CHCHD3: variants seen among roughly 807,000 people sequenced by gnomAD.
CHCHD3 encodes the protein coiled-coil-helix-coiled-coil-helix domain containing 3.
CHCHD3 carries 20 observed loss-of-function variants against 38.2 expected under a neutral mutation model. The ratio of observed to expected loss-of-function variants is 0.52; its 90% CI spans 0.37 to 0.76. The LOEUF is 0.76. Ranked by LOEUF, CHCHD3 falls within the 30% of genes least tolerant of loss-of-function variation. The pLI is 0.00. For synonymous variants in CHCHD3, 82 were observed against 100.0 expected (o/e 0.82, Z 1.07); for missense variants, 245 against 279.2 (o/e 0.88, Z 0.87).
intron 7 of CHCHD3, among the ~76,000 whole-genome samples, chr7:132,792,358 G>A (rs1196365891): frequency 6.6e-6 from 1 of 152,174 alleles, no homozygotes; most frequent in African/African-American, 2.4e-5. Context: ...ACTGACTTTG[G>A]AGAAACTGTG....
intron 4 of CHCHD3, among the ~76,000 whole-genome samples, chr7:132,964,964 T>C (rs905311393): frequency 1.3e-4 from 20 of 152,180 alleles, no homozygotes; most frequent in African/African-American, 4.8e-4. Context: ...TGATTGTGCA[T>C]ACATTATTTC....
chr7:133,053,452 C>A (rs1177242725), intron 2 of CHCHD3, among the ~76,000 whole-genome samples: 1 of 152,184 alleles, frequency 6.6e-6, no homozygotes, highest in African/African-American at 2.4e-5. Context: ...CTGATTCAGC[C>A]CAAGCCATTC....
intron 6 of CHCHD3, among the ~76,000 whole-genome samples, chr7:132,820,719 C>G (rs1807352754): frequency 6.7e-6 from 1 of 148,222 alleles, no homozygotes; most frequent in Admixed American, 6.9e-5. Context: ...CTTAGCCACA[C>G]TGTCCTTTTT....
At chr7:133,054,112 C>G (rs1814245276) in intron 2 of CHCHD3, among the ~76,000 whole-genome samples, 1 of 152,174 alleles carries the variant, frequency 6.6e-6, no homozygotes, top group Non-Finnish European at 1.5e-5. Context: ...ACAAACTATA[C>G]CTACCTCTTC....
chr7:133,014,284 T>A (rs1812960948), intron 3 of CHCHD3, among the ~76,000 whole-genome samples: 1 of 150,196 alleles, frequency 6.7e-6, no homozygotes, highest in Non-Finnish European at 1.5e-5. Flanking sequence ...TTTAATGCTT[T>A]ATACCTGACA....
At chr7:132,950,399 G>A (rs912791959) in intron 4 of CHCHD3, among the ~76,000 whole-genome samples, 34 of 152,112 alleles carry the variant, frequency 2.2e-4, no homozygotes, top group African/African-American at 7.7e-4. Context: ...GGCTTAATTT[G>A]CTTCTCTGAA....
At chr7:133,015,484 C>G (rs1026853877) in intron 3 of CHCHD3, among the ~76,000 whole-genome samples, 5 of 152,022 alleles carry the variant, frequency 3.3e-5, no homozygotes, top group African/African-American at 1.2e-4. Flanking sequence ...AAATACTGTA[C>G]AGAGTAGCTA....
chr7:133,024,426 G>T, intron 3 of CHCHD3, 120 bp downstream of exon 3: 2 of 813,004 alleles, frequency 2.5e-6, no homozygotes, highest in Non-Finnish European at 4.2e-6. Flanking sequence ...CATGTGTTCA[G>T]CACATTCTGA....
chr7:133,013,295 G>A (rs1812935521), intron 3 of CHCHD3, among the ~76,000 whole-genome samples: 2 of 151,492 alleles, frequency 1.3e-5, no homozygotes, highest in South Asian at 4.2e-4. Flanking sequence ...GTGATGGTAA[G>A]TATGGGTGAC....
intron 6 of CHCHD3, among the ~76,000 whole-genome samples, chr7:132,819,320 T>C (rs6942938): frequency 0.38 from 57,747 of 152,076 alleles, 11,592 homozygotes; most frequent in Middle Eastern, 0.52. Flanking sequence ...AAAACACTCT[T>C]ATTTGCACCT....
intron 7 of CHCHD3, among the ~76,000 whole-genome samples, chr7:132,793,671 C>T (rs1806524534): frequency 6.6e-6 from 1 of 152,152 alleles, no homozygotes; most frequent in Non-Finnish European, 1.5e-5. Flanking sequence ...CCGTGAAAGG[C>T]CAATCTTATG....
intron 5 of CHCHD3, among the ~76,000 whole-genome samples, chr7:132,870,351 CA>C (rs58488494): frequency 0.55 from 54,200 of 99,330 alleles, 12,089 homozygotes; most frequent in Admixed American, 0.62. Flanking sequence ...CCTATCTCAC[CA>C]AAAAAAAAAA....
At chr7:132,862,468 T>A (rs977615723) in intron 5 of CHCHD3, among the ~76,000 whole-genome samples, 4 of 152,238 alleles carry the variant, frequency 2.6e-5, no homozygotes, top group African/African-American at 9.6e-5. Flanking sequence ...AATTTAAAAA[T>A]ACTTTATCAC....
intron 4 of CHCHD3, among the ~76,000 whole-genome samples, chr7:132,965,787 C>A (rs1449908563): frequency 6.6e-6 from 1 of 152,046 alleles, no homozygotes; most frequent in African/African-American, 2.4e-5. Flanking sequence ...TATTTCTTAT[C>A]AAGAAAATAT....
chr7:133,017,468 C>T (rs888015865), intron 3 of CHCHD3, among the ~76,000 whole-genome samples: 8 of 152,166 alleles, frequency 5.3e-5, no homozygotes, highest in Non-Finnish European at 1.2e-4. Context: ...GGAGACACTT[C>T]GACAAGACTA....
At chr7:132,962,721 A>G (rs1043281607) in intron 4 of CHCHD3, among the ~76,000 whole-genome samples, 1 of 152,196 alleles carries the variant, frequency 6.6e-6, no homozygotes, top group Non-Finnish European at 1.5e-5. Flanking sequence ...AATATAGAAT[A>G]TTAATCTATA....
At chr7:133,062,550 G>A (rs747554973) in intron 2 of CHCHD3, among the ~76,000 whole-genome samples, 1 of 152,128 alleles carries the variant, frequency 6.6e-6, no homozygotes, top group Non-Finnish European at 1.5e-5. Flanking sequence ...TGTTCTGTGA[G>A]AAAATACAAT....
At chr7:132,819,766 T>C (rs567106258) in intron 6 of CHCHD3, among the ~76,000 whole-genome samples, 2 of 152,258 alleles carry the variant, frequency 1.3e-5, no homozygotes, top group Admixed American at 6.5e-5. Flanking sequence ...AATTAACACA[T>C]GAGACAGGTC....
chr7:132,907,120 T>C (rs1268887294), intron 4 of CHCHD3, among the ~76,000 whole-genome samples: 3 of 152,236 alleles, frequency 2.0e-5, no homozygotes, highest in Non-Finnish European at 4.4e-5. Context: ...TATTCATTTA[T>C]TGAATAAGCA....
Sources: allele counts gnomAD v4.1 joint callset (sites outside exome capture counted in the v4.1 genomes callset), GRCh38; gene constraint gnomAD v4.1.1; transcripts MANE v1.5; gene names NCBI Gene and HGNC (gene_info 2026-07-23, HGNC 2026-07-21).